Variants in PIGL observed in about 807,000 individuals in gnomAD.
PIGL encodes N-acetylglucosaminyl-phosphatidylinositol de-N-acetylase.
Under a neutral mutation model 31.1 loss-of-function variants are expected in PIGL, and 22 were observed. That is an observed-to-expected ratio of 0.71 (90% confidence interval 0.51 to 1.01). The LOEUF is 1.01. PIGL is among the 50% of genes least tolerant of loss of function. PIGL has a pLI of 0.00. For synonymous variants in PIGL, 131 were observed against 117.4 expected (o/e 1.12, Z -0.75); for missense variants, 302 against 315.9 (o/e 0.96, Z 0.33).
intron 2 of PIGL, among the ~76,000 whole-genome samples, chr17:16,243,498 A>G (rs1164466881): frequency 1.3e-5 from 2 of 152,232 alleles, no homozygotes; most frequent in African/African-American, 4.8e-5. Flanking sequence ...GCTTCATGGT[A>G]AACTACTGGG....
At chr17:16,264,478 T>C (rs1296698204) in intron 2 of PIGL, among the ~76,000 whole-genome samples, 1 of 152,064 alleles carries the variant, frequency 6.6e-6, no homozygotes, top group Non-Finnish European at 1.5e-5. Flanking sequence ...CAGAAACAGA[T>C]TAGCTGCTCT....
At chr17:16,317,736 T>C (rs773205357) in intron 5 of PIGL, 39 bp from the exon 6 acceptor site, 3 of 1,612,322 alleles carry the variant, frequency 1.9e-6, no homozygotes, top group Middle Eastern at 2.0e-4. Flanking sequence ...GCTGGAGGCC[T>C]CAAGGCTTAT....
Position 16,268,552 on chromosome 17 carries a change from G to A in PIGL, c.336-31336G>A, listed in dbSNP as rs577440103. Among the ~76,000 whole-genome samples the A allele has an allele frequency of 6.1e-4, 93 of 152,042 alleles. 1 individual carries two copies. The highest frequency in any genetic ancestry group is 9.4e-4 in the Non-Finnish European group (64 of 67,956). On this transcript the variant is annotated intron_variant, in intron 2 of 6. Coordinates refer to ENST00000225609, the MANE Select transcript of PIGL (RefSeq NM_004278.4). ...CAACCTCTGCCCCCTGGGTTCAAGC[G>A]ATTCTCCTACCTTAGCCTCCTGAGT...
At chr17:16,251,638 T>G (rs1392524724) in intron 2 of PIGL, among the ~76,000 whole-genome samples, 1 of 149,758 alleles carries the variant, frequency 6.7e-6, no homozygotes, top group Non-Finnish European at 1.5e-5. Context: ...GACCACTATA[T>G]GGGGACTTTT....
intron 2 of PIGL, among the ~76,000 whole-genome samples, chr17:16,264,010 A>ATTT (rs58866950): frequency 4.7e-5 from 2 of 42,814 alleles, no homozygotes; most frequent in South Asian, 1.7e-3. Flanking sequence ...CTCCTGGCTG[A>ATTT]TTTTTTTTTT....
chr17:16,316,776 G>A (rs780901625), intron 5 of PIGL, 64 bp downstream of exon 5: 45 of 1,598,204 alleles, frequency 2.8e-5, no homozygotes, highest in Non-Finnish European at 3.4e-5. Context: ...TTATGAGGGG[G>A]AAATTTGCAA....
chr17:16,270,046 G>C (rs950456332), intron 2 of PIGL, among the ~76,000 whole-genome samples: 2 of 152,000 alleles, frequency 1.3e-5, no homozygotes, highest in African/African-American at 2.4e-5. Context: ...CAGCACTTTG[G>C]GAGGCCGAGG....
At chr17:16,237,601 G>T (rs2092704626) in intron 2 of PIGL, among the ~76,000 whole-genome samples, 1 of 150,554 alleles carries the variant, frequency 6.6e-6, no homozygotes, top group African/African-American at 2.4e-5. Context: ...AGGAATTTGA[G>T]ACCAGCCTGG....
intron 5 of PIGL, 98 bp downstream of exon 5, chr17:16,316,810 C>T (rs769748901): frequency 2.6e-6 from 4 of 1,565,064 alleles, no homozygotes; most frequent in Admixed American, 1.7e-5. Context: ...TGCCCTCAGC[C>T]GAGCAGAGGC....
intron 3 of PIGL, among the ~76,000 whole-genome samples, chr17:16,300,633 T>C (rs2093000718): frequency 1.3e-5 from 2 of 151,682 alleles, no homozygotes; most frequent in African/African-American, 4.8e-5. Flanking sequence ...TGCGCAAAGA[T>C]TGTGTTACTG....
chr17:16,294,925 T>C (rs1280008202), intron 2 of PIGL, among the ~76,000 whole-genome samples: 1 of 152,166 alleles, frequency 6.6e-6, no homozygotes, highest in Non-Finnish European at 1.5e-5. Flanking sequence ...GTGGTGCCCT[T>C]CTGCTGTGGC....
At chr17:16,224,420 C>A (rs1381546566) in intron 1 of PIGL, among the ~76,000 whole-genome samples, 1 of 151,808 alleles carries the variant, frequency 6.6e-6, no homozygotes, top group African/African-American at 2.4e-5. Context: ...GATCCCCCTG[C>A]TTCAGCCTCC....
chr17:16,325,231 GC>G (rs2093122039), intron 6 of PIGL, among the ~76,000 whole-genome samples: 2 of 149,434 alleles, frequency 1.3e-5, no homozygotes, highest in Non-Finnish European at 2.9e-5. Context: ...TGTAGTCCCA[GC>G]TACTCGGAAG....
chr17:16,220,245 G>A (rs1410167393), intron 1 of PIGL, among the ~76,000 whole-genome samples: 1 of 151,858 alleles, frequency 6.6e-6, no homozygotes, highest in Non-Finnish European at 1.5e-5. Context: ...CTACTCGGGA[G>A]GCTGAGGCAG....
intron 2 of PIGL, among the ~76,000 whole-genome samples, chr17:16,235,764 T>C (rs1287472339): frequency 2.0e-5 from 3 of 150,750 alleles, no homozygotes; most frequent in African/African-American, 7.3e-5. Flanking sequence ...TTTTTTTTTT[T>C]TTTTTTTGCA....
intron 2 of PIGL, among the ~76,000 whole-genome samples, chr17:16,274,918 G>T (rs1232017261): frequency 6.6e-6 from 1 of 151,654 alleles, no homozygotes; most frequent in Admixed American, 6.6e-5. Flanking sequence ...TGTAATCCTA[G>T]CTACTCAGGA....
intron 3 of PIGL, among the ~76,000 whole-genome samples, chr17:16,305,540 A>G (rs1240701578): frequency 6.6e-6 from 1 of 152,230 alleles, no homozygotes; most frequent in African/African-American, 2.4e-5. Flanking sequence ...GCTGAATACA[A>G]TTTAGCTTAA....
At chr17:16,322,383 C>A (rs1051586157) in intron 6 of PIGL, among the ~76,000 whole-genome samples, 1 of 151,706 alleles carries the variant, frequency 6.6e-6, no homozygotes, top group Non-Finnish European at 1.5e-5. Flanking sequence ...GCGGGAGTCA[C>A]CGCACCCAGC....
intron 3 of PIGL, among the ~76,000 whole-genome samples, chr17:16,307,753 C>T (rs2093032028): frequency 6.6e-6 from 1 of 151,938 alleles, no homozygotes; most frequent in South Asian, 2.1e-4. Context: ...GATCGCTTGA[C>T]CCCAGGAGTT....
Sources: gnomAD v4.1 joint callset for allele counts (sites outside exome capture counted in the v4.1 genomes callset) on GRCh38, gnomAD v4.1.1 for gene constraint, MANE v1.5 for transcripts, NCBI Gene and HGNC (gene_info 2026-07-23, HGNC 2026-07-21) for gene names.